The following DENND2C variants were observed in gnomAD, a reference collection of about 807,000 sequenced individuals.
DENND2C encodes DENN domain containing 2C, also known as DENN domain-containing protein 2C.
A neutral mutation model predicts 112.4 loss-of-function variants in DENND2C; 72 were observed. That is an observed-to-expected ratio of 0.64 (90% CI 0.53 to 0.78). The LOEUF is 0.78. DENND2C is among the 30% of genes least tolerant of loss of function. The probability of loss-of-function intolerance (pLI) is 0.00; values close to 1 mark genes in which losing one functional copy is unlikely to be tolerated. For missense variants in DENND2C, 992 were observed against 1,113.8 expected (o/e 0.89, Z 1.56); for synonymous variants, 329 against 381.6 (o/e 0.86, Z 1.61).
Position 114,587,879 on chromosome 1 carries a change from C to T in DENND2C, c.2505G>A (p.Leu835=). 6.2e-7 allele frequency: 1 copy of T among 1,614,032 alleles called. No individual in the cohort carries two copies. Among genetic ancestry groups the T allele is most frequent in the Non-Finnish European group, 8.5e-7 (1 of 1,180,006 alleles). The part of the protein sequence containing the change: ...FFVELVGHYS[L]NMTVTERGER... ...CCCCACGCTCAGTGACAGTCATGTT[C>T]AAAGAATAATGTCCTACCAACTCCA... Residue 835 remains leucine (L), a synonymous_variant, in exon 19 of 21, where the codon TTG becomes TTA. Transcript: ENST00000393274.
At chr1:114,635,253 T>C (rs917007158) in intron 3 of DENND2C, among the ~76,000 whole-genome samples, 1 of 151,804 alleles carries the variant, frequency 6.6e-6, no homozygotes, top group Non-Finnish European at 1.5e-5. Flanking sequence ...CCTAATAATA[T>C]CTTTAAAAAG....
intron 16 of DENND2C, among the ~76,000 whole-genome samples, chr1:114,596,287 G>A (rs984990027): frequency 5.3e-5 from 8 of 152,128 alleles, no homozygotes; most frequent in African/African-American, 1.9e-4. Context: ...ATTTGAGTCT[G>A]GGAGGTCAAG....
intron 1 of DENND2C, among the ~76,000 whole-genome samples, chr1:114,663,971 T>A (rs71580643): frequency 6.8e-6 from 1 of 147,978 alleles, no homozygotes; most frequent in Non-Finnish European, 1.5e-5. Context: ...TTTTTTTTTG[T>A]CTTGTCACCC....
intron 2 of DENND2C, among the ~76,000 whole-genome samples, chr1:114,646,785 T>C (rs2101685572): frequency 1.3e-5 from 2 of 152,342 alleles, no homozygotes; most frequent in East Asian, 3.9e-4. Context: ...TGTGTACCTC[T>C]GGTAGATCAT....
intron 8 of DENND2C, among the ~76,000 whole-genome samples, chr1:114,612,520 A>AT (rs1158221276): frequency 0.055 from 6,889 of 125,756 alleles, 222 homozygotes; most frequent in Middle Eastern, 0.092. Context: ...CACCCAGCTA[A>AT]TTTTTTTTTT....
intron 3 of DENND2C, among the ~76,000 whole-genome samples, chr1:114,626,971 T>G (rs979979227): frequency 2.0e-5 from 3 of 152,174 alleles, no homozygotes; most frequent in African/African-American, 7.2e-5. Context: ...CTGTCCTACG[T>G]TGATTAATAA....
chr1:114,604,411 A>C (rs1254002191), intron 11 of DENND2C, among the ~76,000 whole-genome samples: 1 of 152,210 alleles, frequency 6.6e-6, no homozygotes, highest in African/African-American at 2.4e-5. Context: ...AGATACCTGG[A>C]AGAAATCCTT....
chr1:114,585,759 T>C, intron 20 of DENND2C, 128 bp from the exon 21 acceptor site: 1 of 917,204 alleles, frequency 1.1e-6, no homozygotes. Flanking sequence ...TCAAACTCAG[T>C]TGATGTGTTT....
chr1:114,664,988 G>C (rs1001629786), intron 1 of DENND2C, among the ~76,000 whole-genome samples: 3 of 151,868 alleles, frequency 2.0e-5, no homozygotes, highest in African/African-American at 7.2e-5. Context: ...CAGCTACTTG[G>C]GAGGCTGAGA....
chr1:114,606,098 G>T (rs1281215186), intron 10 of DENND2C, among the ~76,000 whole-genome samples: 1 of 152,078 alleles, frequency 6.6e-6, no homozygotes, highest in East Asian at 1.9e-4. Context: ...TTGTTGTTGA[G>T]AAGGAGGTCT....
rs761932823 is a variant in DENND2C at position 114,625,238 on chromosome 1, G to C, written c.747C>G (p.Ala249=). 1.2e-6 allele frequency: 2 copies of C among 1,613,828 alleles called. No individual in the cohort carries two copies. The highest frequency in any genetic ancestry group is 2.2e-5 in the South Asian group (2 of 91,046). ...ENNSCAQSSL[A]SSQEPEPKKY... The stretch of plus-strand genomic sequence containing the variant: ...TCTTTGGTTCAGGTTCCTGAGAAGA[G>C]GCCAAAGAAGATTGTGCACAAGAGT... Residue 249 remains alanine (A), a synonymous_variant, in exon 4 of 21, where the codon GCC becomes GCG. Transcript: ENST00000393274.
chr1:114,658,604 A>C lies in DENND2C; in HGVS notation c.-573-3843T>G, dbSNP rs115972059. 7.4e-3 allele frequency among the ~76,000 whole-genome samples: 1,126 copies of C among 152,226 alleles called. 8 individuals are homozygous for C. The highest frequency in any genetic ancestry group is 0.027 in the South Asian group (130 of 4,820). ...ATAATAAAAACAAAAAGAAGATGCA[A>C]CTTCAAATGAAACATTTTAAAGTTG... On this transcript the variant is annotated intron_variant, in intron 1 of 20. Coordinates refer to ENST00000393274, the MANE Select transcript of DENND2C (RefSeq NM_001256404.2).
chr1:114,611,588 T>C (rs1570771014), intron 8 of DENND2C, among the ~76,000 whole-genome samples: 1 of 152,292 alleles, frequency 6.6e-6, no homozygotes, highest in East Asian at 1.9e-4. Flanking sequence ...TCAGCCTACC[T>C]CTTCTATGGT....
chr1:114,668,786 T>C (rs12124711), intron 1 of DENND2C, among the ~76,000 whole-genome samples: 32,856 of 152,102 alleles, frequency 0.22, 4,195 homozygotes, highest in Non-Finnish European at 0.3. Context: ...ATATTAACAA[T>C]ATTTTGGAAG....
chr1:114,634,793 C>T (rs908660279), intron 3 of DENND2C, among the ~76,000 whole-genome samples: 1 of 151,874 alleles, frequency 6.6e-6, no homozygotes, highest in African/African-American at 2.4e-5. Context: ...TTTGGGAGGC[C>T]GAGGCGAGCA....
At chr1:114,610,049 C>T (rs1412739290) in intron 9 of DENND2C, among the ~76,000 whole-genome samples, 1 of 152,114 alleles carries the variant, frequency 6.6e-6, no homozygotes, top group Non-Finnish European at 1.5e-5. Context: ...GGAGGGAGCA[C>T]AAGACTATTA....
At chr1:114,589,536 TTTAA>T (rs1297868587) in intron 18 of DENND2C, among the ~76,000 whole-genome samples, 2 of 152,086 alleles carry the variant, frequency 1.3e-5, no homozygotes, top group African/African-American at 4.8e-5. Context: ...TTTTCTTTTT[TTTAA>T]TTAATTTTTT....
chr1:114,600,384 A>G, intron 14 of DENND2C, 32 bp from the exon 15 acceptor site: 4 of 1,612,786 alleles, frequency 2.5e-6, no homozygotes, highest in Non-Finnish European at 2.5e-6. Context: ...CAGGTGAGCT[A>G]ATGTTGGAAA....
At chr1:114,627,296 A>G (rs1009550139) in intron 3 of DENND2C, among the ~76,000 whole-genome samples, 1 of 152,222 alleles carries the variant, frequency 6.6e-6, no homozygotes, top group African/African-American at 2.4e-5. Context: ...GTTCTACTGT[A>G]TACTTGTTAA....
Sources: gnomAD v4.1 joint callset for allele counts (sites outside exome capture counted in the v4.1 genomes callset) on GRCh38, gnomAD v4.1.1 for gene constraint, MANE v1.5 for transcripts, NCBI Gene and HGNC (gene_info 2026-07-23, HGNC 2026-07-21) for gene names.